The following WASF2 variants were observed in gnomAD, a reference collection of about 807,000 sequenced individuals.
The protein encoded by WASF2 is WASP family member 2.
WASF2 carries 14 observed loss-of-function variants against 45.0 expected under a neutral mutation model. That is an observed-to-expected ratio of 0.31 (90% confidence interval 0.21 to 0.49). The LOEUF is 0.49. WASF2 is among the 20% of genes least tolerant of loss of function. WASF2 has a pLI of 0.99. For missense variants in WASF2, 439 were observed against 636.1 expected (o/e 0.69, Z 3.33); for synonymous variants, 200 against 236.3 (o/e 0.85, Z 1.41).
Position 27,410,653 on chromosome 1 carries a change from C to T in WASF2, c.825-447G>A, listed in dbSNP as rs1158722077. Among the ~76,000 whole-genome samples, 1 of 152,328 alleles carries T rather than the reference C, an allele frequency of 6.6e-6. No individual in the cohort carries two copies. Among genetic ancestry groups the T allele is most frequent in the East Asian group, 1.9e-4 (1 of 5,186 alleles). On this transcript the variant is annotated intron_variant, in intron 7 of 8. Coordinates refer to ENST00000618852, the MANE Select transcript of WASF2 (RefSeq NM_006990.5). The surrounding 1 kb of genome is among the most constrained non-coding windows in gnomAD (Gnocchi z 4.2). ...AATAAAAATTCAAACACCACCCACA[C>T]ACTAGGCTCTGTTTCTCAGGCTATT...
chr1:27,450,963 C>A (rs1557610717), intron 1 of WASF2, among the ~76,000 whole-genome samples: 1 of 151,392 alleles, frequency 6.6e-6, no homozygotes, highest in Non-Finnish European at 1.5e-5. Flanking sequence ...GTAATCTCAA[C>A]ACTTTGGGAG....
intron 1 of WASF2, among the ~76,000 whole-genome samples, chr1:27,472,609 T>C (rs2017704530): frequency 8.4e-6 from 1 of 119,016 alleles, no homozygotes; most frequent in Non-Finnish European, 1.6e-5. Context: ...ACTCCAGCAC[T>C]CCAGCACTCC....
At chr1:27,454,119 ATGTGTGTATATATATATGTG>A (rs1257065217) in intron 1 of WASF2, among the ~76,000 whole-genome samples, 2 of 140,158 alleles carry the variant, frequency 1.4e-5, no homozygotes, top group East Asian at 4.7e-4. Flanking sequence ...GTGTATATAT[ATGTGTGTATATATATATGTG>A]TGTGTGTGTG....
At position 27,407,967 on chromosome 1, in the gene WASF2, A is replaced by C; in HGVS notation, c.*222T>G. The C allele has an allele frequency of 2.1e-6, 1 of 477,786 alleles. No homozygotes were observed. The highest frequency in any genetic ancestry group is 3.7e-6 in the Non-Finnish European group (1 of 271,578). 29.6% of individuals were successfully genotyped at this position (477,786 alleles called of 1,614,324 possible). A position where few individuals can be genotyped will look rare whatever the true frequency, so the allele number is the denominator to read the frequency against. On this transcript the variant is annotated 3_prime_UTR_variant, in exon 9 of 9. Transcript: ENST00000618852. The stretch of plus-strand genomic sequence containing the variant: ...GAAGGAAAGAGGGAACATCCCAGCT[A>C]CTGAACCTCAGGAGCCCCACAGGGC...
intron 1 of WASF2, among the ~76,000 whole-genome samples, chr1:27,464,597 T>G (rs1020306842): frequency 2.0e-5 from 3 of 152,302 alleles, no homozygotes; most frequent in East Asian, 3.9e-4. Flanking sequence ...CAGTCAGCCC[T>G]CATACACCTG....
At chr1:27,456,296 T>C (rs1246312654) in intron 1 of WASF2, among the ~76,000 whole-genome samples, 1 of 134,626 alleles carries the variant, frequency 7.4e-6, no homozygotes, top group Non-Finnish European at 1.5e-5. Context: ...CACTCTATCC[T>C]GGGCTACAGA....
At chr1:27,477,826 G>T (rs1193152937) in intron 1 of WASF2, among the ~76,000 whole-genome samples, 1 of 123,266 alleles carries the variant, frequency 8.1e-6, no homozygotes, top group Admixed American at 7.5e-5. Flanking sequence ...GTGAACCCGG[G>T]AGGCGGAGCT....
At chr1:27,428,309 G>A (rs2017014824) in intron 2 of WASF2, among the ~76,000 whole-genome samples, 1 of 152,198 alleles carries the variant, frequency 6.6e-6, no homozygotes, top group South Asian at 2.1e-4. Flanking sequence ...GAAGAAAAGG[G>A]GTGGGGGTGT....
intron 1 of WASF2, among the ~76,000 whole-genome samples, chr1:27,441,129 A>G (rs1000644443): frequency 6.6e-6 from 1 of 151,962 alleles, no homozygotes; most frequent in East Asian, 1.9e-4. Context: ...CAGCCTCCCA[A>G]TGTGCTGGGA....
chr1:27,451,187 GA>G (rs1406576651), intron 1 of WASF2, among the ~76,000 whole-genome samples: 1 of 152,098 alleles, frequency 6.6e-6, no homozygotes, highest in Non-Finnish European at 1.5e-5. Context: ...TGCCCTCACA[GA>G]GCTTGCAAGC....
intron 1 of WASF2, among the ~76,000 whole-genome samples, chr1:27,475,711 T>A (rs2017756929): frequency 6.6e-6 from 1 of 152,218 alleles, no homozygotes; most frequent in Non-Finnish European, 1.5e-5. Flanking sequence ...CATTGCAACC[T>A]CTGCCTCCTG....
chr1:27,413,853 T>C (rs975418327), intron 6 of WASF2, among the ~76,000 whole-genome samples: 4 of 152,178 alleles, frequency 2.6e-5, no homozygotes, highest in Admixed American at 6.5e-5. Flanking sequence ...GTAATGAAGG[T>C]ACCCTCAGGG....
chr1:27,426,128 T>TA (rs1179578541), intron 2 of WASF2, among the ~76,000 whole-genome samples: 1 of 152,190 alleles, frequency 6.6e-6, no homozygotes. Context: ...CCAAGGAACT[T>TA]AAATAATTCC....
intron 1 of WASF2, among the ~76,000 whole-genome samples, chr1:27,473,294 C>T (rs1036465080): frequency 2.6e-5 from 4 of 151,526 alleles, no homozygotes; most frequent in Non-Finnish European, 5.9e-5. Context: ...TCCTGGCTAA[C>T]ATGGTGAAAC....
At chr1:27,465,071 G>A (rs2017596636) in intron 1 of WASF2, among the ~76,000 whole-genome samples, 1 of 152,148 alleles carries the variant, frequency 6.6e-6, no homozygotes, top group Admixed American at 6.5e-5. Context: ...AAGACGCAAG[G>A]AAACACATTC....
chr1:27,471,538 G>A (rs1207839256), intron 1 of WASF2, among the ~76,000 whole-genome samples: 1 of 151,996 alleles, frequency 6.6e-6, no homozygotes, highest in African/African-American at 2.4e-5. Flanking sequence ...TGAGGTGGGA[G>A]GCTCACTTCA....
intron 1 of WASF2, among the ~76,000 whole-genome samples, chr1:27,437,503 T>A (rs977020427): frequency 5.3e-5 from 8 of 152,196 alleles, no homozygotes; most frequent in Non-Finnish European, 1.0e-4. Context: ...TTTACCCGCA[T>A]AAAGTATTTC....
At chr1:27,447,372 A>G (rs2017324407) in intron 1 of WASF2, among the ~76,000 whole-genome samples, 1 of 152,174 alleles carries the variant, frequency 6.6e-6, no homozygotes, top group Admixed American at 6.5e-5. Flanking sequence ...AAGGATTTCA[A>G]TGAAATAGAT....
intron 5 of WASF2, 78 bp from the exon 6 acceptor site, chr1:27,415,041 A>T: frequency 6.5e-7 from 1 of 1,539,276 alleles, no homozygotes; most frequent in East Asian, 2.3e-5. Context: ...ATCTTCATGG[A>T]TGCGTATCTA....
Sources: allele counts gnomAD v4.1 joint callset (sites outside exome capture counted in the v4.1 genomes callset), GRCh38; gene constraint gnomAD v4.1.1; non-coding constraint Gnocchi (gnomAD v3.1); transcripts MANE v1.5; gene names NCBI Gene and HGNC (gene_info 2026-07-23, HGNC 2026-07-21).